FAM81A: variants seen among roughly 807,000 people sequenced by gnomAD.
FAM81A encodes the protein protein FAM81A.
In FAM81A, 19 loss-of-function variants were observed where a neutral mutation model predicts 46.7. The observed-to-expected ratio is 0.41, with a 90% CI of 0.28 to 0.60. The LOEUF is 0.60. Ranked by LOEUF, FAM81A falls within the 20% of genes least tolerant of loss-of-function variation. FAM81A has a pLI of 0.34. For synonymous variants in FAM81A, 183 were observed against 152.9 expected (o/e 1.20, Z -1.45); for missense variants, 377 against 453.5 (o/e 0.83, Z 1.53).
intron 2 of FAM81A, among the ~76,000 whole-genome samples, chr15:59,430,861 T>G (rs546383284): frequency 6.6e-6 from 1 of 152,350 alleles, no homozygotes; most frequent in South Asian, 2.1e-4. Context: ...TAATATTATA[T>G]GGAATGAGTT....
intron 2 of FAM81A, among the ~76,000 whole-genome samples, chr15:59,402,763 A>G (rs928608091): frequency 1.3e-5 from 2 of 152,042 alleles, no homozygotes; most frequent in African/African-American, 4.8e-5. Context: ...CATGTTAGCC[A>G]GGCTGGTCTC....
chr15:59,490,297 C>G (rs754372262), intron 3 of FAM81A, among the ~76,000 whole-genome samples: 1 of 151,974 alleles, frequency 6.6e-6, no homozygotes, highest in South Asian at 2.1e-4. Flanking sequence ...TTCTGCACAT[C>G]AAAAGAAGAA....
At chr15:59,414,907 C>T (rs1216596110) in intron 2 of FAM81A, among the ~76,000 whole-genome samples, 1 of 151,888 alleles carries the variant, frequency 6.6e-6, no homozygotes, top group Non-Finnish European at 1.5e-5. Context: ...GCTCCGCCTC[C>T]CAGGTTCACA....
chr15:59,520,906 A>G (rs1438091753), intron 8 of FAM81A, among the ~76,000 whole-genome samples: 1 of 152,150 alleles, frequency 6.6e-6, no homozygotes, highest in African/African-American at 2.4e-5. Flanking sequence ...GTATTTTGGT[A>G]TTCTTTAAAA....
chr15:59,473,591 C>T (rs1180739293), intron 3 of FAM81A, among the ~76,000 whole-genome samples: 4 of 152,138 alleles, frequency 2.6e-5, no homozygotes, highest in Non-Finnish European at 5.9e-5. Flanking sequence ...CCAGCACTTT[C>T]CTGTGGGAAC....
At chr15:59,445,062 T>C (rs2081339668) in intron 1 of FAM81A, 1 of 152,178 alleles carries the variant, frequency 6.6e-6, no homozygotes, top group Admixed American at 6.5e-5. Context: ...AAGGGAACAT[T>C]GGTACTTGAG....
chr15:59,509,699 T>C (rs1269146040), intron 6 of FAM81A, among the ~76,000 whole-genome samples: 2 of 151,988 alleles, frequency 1.3e-5, no homozygotes, highest in African/African-American at 4.8e-5. Context: ...GAGGAAGGGA[T>C]GTTTGAGGTG....
chr15:59,435,437 T>C (rs2081239048), upstream of FAM81A, among the ~76,000 whole-genome samples: 1 of 151,872 alleles, frequency 6.6e-6, no homozygotes, highest in Non-Finnish European at 1.5e-5. Flanking sequence ...CTGGCCAACA[T>C]GGCAAAACCC....
intron 2 of FAM81A, among the ~76,000 whole-genome samples, chr15:59,416,524 C>T (rs997540177): frequency 6.6e-6 from 1 of 152,178 alleles, no homozygotes; most frequent in African/African-American, 2.4e-5. Flanking sequence ...TCAAGTCTTC[C>T]CATGGCAGAA....
intron 3 of FAM81A, among the ~76,000 whole-genome samples, chr15:59,475,089 C>G (rs1215904963): frequency 2.0e-5 from 3 of 152,160 alleles, no homozygotes; most frequent in African/African-American, 7.2e-5. Flanking sequence ...ATCAAAAAAT[C>G]TGCCTAAGGA....
At chr15:59,453,046 A>G (rs1180755637) in intron 1 of FAM81A, among the ~76,000 whole-genome samples, 1 of 152,202 alleles carries the variant, frequency 6.6e-6, no homozygotes, top group Non-Finnish European at 1.5e-5. Flanking sequence ...CATAGGCATG[A>G]GCCACCGCTC....
chr15:59,462,358 G>A (rs2081563103), intron 3 of FAM81A, among the ~76,000 whole-genome samples: 2 of 152,144 alleles, frequency 1.3e-5, no homozygotes, highest in Admixed American at 6.5e-5. Context: ...TGGATGTGTA[G>A]TGGTATCTCA....
intron 1 of FAM81A, among the ~76,000 whole-genome samples, chr15:59,452,657 A>T (rs1567049368): frequency 6.6e-6 from 1 of 152,182 alleles, no homozygotes; most frequent in South Asian, 2.1e-4. Flanking sequence ...ACACAAAAAA[A>T]TTTTTAATGG....
chr15:59,399,131 T>A (rs1222418664), intron 1 of FAM81A, among the ~76,000 whole-genome samples: 1 of 152,140 alleles, frequency 6.6e-6, no homozygotes, highest in Non-Finnish European at 1.5e-5. Flanking sequence ...ATCACACCAC[T>A]GCACTCCAGC....
chr15:59,426,712 A>G (rs577876288), intron 2 of FAM81A, among the ~76,000 whole-genome samples: 31 of 152,206 alleles, frequency 2.0e-4, no homozygotes, highest in South Asian at 4.1e-4. Context: ...GTTAGACATT[A>G]TCTAGTCACT....
upstream of FAM81A, among the ~76,000 whole-genome samples, chr15:59,433,877 T>C (rs2081231882): frequency 6.6e-6 from 1 of 152,122 alleles, no homozygotes; most frequent in African/African-American, 2.4e-5. Context: ...TTTGGGACCT[T>C]TTGAGTCTCA....
At chr15:59,406,702 T>C (rs994558931) in intron 2 of FAM81A, among the ~76,000 whole-genome samples, 6 of 152,118 alleles carry the variant, frequency 3.9e-5, no homozygotes, top group Non-Finnish European at 5.9e-5. Context: ...CTACTTTCTG[T>C]CTCTATAAAT....
chr15:59,513,202 G>T (rs1274659258), intron 6 of FAM81A, among the ~76,000 whole-genome samples: 1 of 152,092 alleles, frequency 6.6e-6, no homozygotes, highest in African/African-American at 2.4e-5. Context: ...GGATGGGAGG[G>T]TTTTATTTTT....
At chr15:59,512,872 C>T (rs149106697) in intron 6 of FAM81A, among the ~76,000 whole-genome samples, 4 of 152,306 alleles carry the variant, frequency 2.6e-5, no homozygotes, top group Non-Finnish European at 4.4e-5. Context: ...GAAAGGCGTG[C>T]TTATGACTTT....
Sources: gnomAD v4.1 joint callset for allele counts (sites outside exome capture counted in the v4.1 genomes callset) on GRCh38, gnomAD v4.1.1 for gene constraint, MANE v1.5 for transcripts, NCBI Gene and HGNC (gene_info 2026-07-23, HGNC 2026-07-21) for gene names.